Variants in HDLBP observed in about 807,000 individuals in gnomAD.
The protein encoded by HDLBP is vigilin.
In HDLBP, 30 loss-of-function variants were observed where a neutral mutation model predicts 137.3. The observed-to-expected ratio is 0.22, with a 90% CI of 0.16 to 0.30. The LOEUF (loss-of-function observed/expected upper bound fraction) is 0.30. Ranked by LOEUF, HDLBP falls within the 10% of genes least tolerant of loss-of-function variation. HDLBP has a pLI of 1.00. For synonymous variants in HDLBP, 606 were observed against 596.0 expected (o/e 1.02, Z -0.24); for missense variants, 1,119 against 1,667.3 (o/e 0.67, Z 5.73).
intron 1 of HDLBP, among the ~76,000 whole-genome samples, chr2:241,288,483 C>T (rs1196873630): frequency 3.9e-5 from 6 of 152,072 alleles, no homozygotes; most frequent in Non-Finnish European, 8.8e-5. Context: ...TGAATTAGCA[C>T]CTAGGAAAAA....
At chr2:241,255,727 G>C (rs370322834) in intron 7 of HDLBP, 147 bp from the exon 8 acceptor site, 20 of 653,556 alleles carry the variant, frequency 3.1e-5, no homozygotes, top group Non-Finnish European at 5.1e-5. Context: ...ATCAGGACTA[G>C]CCAATCCCCA....
At chr2:241,278,374 A>C (rs1195686167) in intron 1 of HDLBP, among the ~76,000 whole-genome samples, 1 of 152,092 alleles carries the variant, frequency 6.6e-6, no homozygotes. Context: ...CCTGAGGTCA[A>C]GAGTTCGAGA....
intron 2 of HDLBP, 67 bp from the exon 3 acceptor site, chr2:241,266,973 TAA>T: frequency 8.3e-7 from 1 of 1,198,572 alleles, no homozygotes; most frequent in Admixed American, 1.8e-5. Flanking sequence ...ATTGTTAACC[TAA>T]GAGTTTTAGC....
At chr2:241,273,837 G>A (rs895724080) in intron 1 of HDLBP, among the ~76,000 whole-genome samples, 3 of 150,358 alleles carry the variant, frequency 2.0e-5, no homozygotes, top group African/African-American at 7.5e-5. Flanking sequence ...AGCAGCAGAA[G>A]GCAGGATCAG....
At position 241,227,436 on chromosome 2, in the gene HDLBP, G is replaced by A. The variant is rs2069237720; in HGVS notation, c.*2165C>T. ...AGCTATGGAAACAGATGATATGGAA[G>A]ACATCCAACAAGGAGGAAAAGCACA... On this transcript the variant is annotated 3_prime_UTR_variant, in exon 28 of 28. Transcript: ENST00000310931. 1 of 152,558 alleles carries A rather than the reference G, an allele frequency of 6.6e-6. No homozygotes were observed. The highest frequency in any genetic ancestry group is 2.4e-5 in the African/African-American group (1 of 41,434). 9.5% of individuals were successfully genotyped at this position (152,558 alleles called of 1,614,324 possible).
At chr2:241,279,083 T>G (rs983382502) in intron 1 of HDLBP, among the ~76,000 whole-genome samples, 6 of 152,170 alleles carry the variant, frequency 3.9e-5, no homozygotes, top group Non-Finnish European at 7.3e-5. Flanking sequence ...ATGTGATTTA[T>G]AGAACTTATA....
At position 241,313,407 on chromosome 2, in the gene HDLBP, G is replaced by A. The variant is rs2075816673; in HGVS notation, c.-103+2163C>T. ...CGATTCTCATGCCTCAGCCTCTTGA[G>A]CAGCTGGGATTACAGGCGCGCGCCA... On this transcript the variant is annotated intron_variant, in intron 1 of 27. Coordinates refer to ENST00000310931, the MANE Select transcript of HDLBP (RefSeq NM_005336.6). 3.3e-5 allele frequency among the ~76,000 whole-genome samples: 5 copies of A among 152,204 alleles called. No individual in the cohort carries two copies. The South Asian group carries it at 1.0e-3, about 32-fold the overall frequency.
intron 24 of HDLBP, among the ~76,000 whole-genome samples, chr2:241,231,775 CAG>C (rs1341838032): frequency 6.6e-6 from 1 of 152,086 alleles, no homozygotes; most frequent in African/African-American, 2.4e-5. Context: ...GCAGACCAAG[CAG>C]ACAGTTCAGG....
At chr2:241,285,350 T>C (rs1156375847) in intron 1 of HDLBP, among the ~76,000 whole-genome samples, 1 of 152,248 alleles carries the variant, frequency 6.6e-6, no homozygotes, top group Admixed American at 6.5e-5. Flanking sequence ...TGATGTGCAC[T>C]GTAGCATTTT....
rs201484707 is a variant in HDLBP at position 241,256,765 on chromosome 2, A to G, written c.492T>C (p.Phe164=). 1.5e-4 allele frequency: 241 copies of G among 1,614,074 alleles called. No homozygotes were observed. The highest frequency in any genetic ancestry group is 2.0e-4 in the Non-Finnish European group (231 of 1,180,032). Residue 164 remains phenylalanine (F), a synonymous_variant, in exon 6 of 28, where the codon TTT becomes TTC. Transcript: ENST00000310931. ...TVAIPKEHHR[F]VIGKNGEKLQ... is the part of the protein sequence containing the mutation. The stretch of plus-strand genomic sequence containing the variant: ...GTTTCTCTCCATTTTTGCCAATAAC[A>G]AAGCGATGGTGTTCTTTGGGAATGG...
intron 5 of HDLBP, among the ~76,000 whole-genome samples, chr2:241,258,836 A>G (rs1328701272): frequency 6.6e-6 from 1 of 152,202 alleles, no homozygotes; most frequent in Non-Finnish European, 1.5e-5. Flanking sequence ...CTAAAACCCA[A>G]GAATGTGAAG....
intron 1 of HDLBP, among the ~76,000 whole-genome samples, chr2:241,287,436 T>TC (rs1370132836): frequency 4.1e-5 from 6 of 144,656 alleles, no homozygotes; most frequent in Admixed American, 6.9e-5. Context: ...TTTTTTTTTT[T>TC]CTGAGACAGG....
At chr2:241,260,470 C>G (rs2073063190) in intron 5 of HDLBP, among the ~76,000 whole-genome samples, 1 of 151,846 alleles carries the variant, frequency 6.6e-6, no homozygotes, top group Admixed American at 6.7e-5. Flanking sequence ...ACTGAAGTCG[C>G]CGGAGCGCCA....
At chr2:241,232,917 G>GC (rs1014441600) in intron 24 of HDLBP, among the ~76,000 whole-genome samples, 1 of 152,026 alleles carries the variant, frequency 6.6e-6, no homozygotes, top group Non-Finnish European at 1.5e-5. Context: ...GTGCAGGAGG[G>GC]CCCTCCTGGC....
intron 11 of HDLBP, chr2:241,250,217 G>A (rs2072017456): frequency 2.5e-6 from 1 of 396,688 alleles, no homozygotes; most frequent in Non-Finnish European, 4.5e-6. Flanking sequence ...ACCAGAAGCT[G>A]GAAATGCCCC....
chr2:241,299,731 C>T (rs934116979), intron 1 of HDLBP, among the ~76,000 whole-genome samples: 9 of 151,852 alleles, frequency 5.9e-5, no homozygotes, highest in Non-Finnish European at 8.8e-5. Context: ...CTGGCTAACA[C>T]GGTGAAACCC....
At chr2:241,286,271 T>C (rs377471933) in intron 1 of HDLBP, among the ~76,000 whole-genome samples, 4 of 152,120 alleles carry the variant, frequency 2.6e-5, no homozygotes, top group Non-Finnish European at 4.4e-5. Context: ...ACAGGCAACA[T>C]AGTCTGAAAG....
chr2:241,262,189 G>A (rs1225231208), intron 5 of HDLBP, among the ~76,000 whole-genome samples: 1 of 152,246 alleles, frequency 6.6e-6, no homozygotes, highest in Non-Finnish European at 1.5e-5. Flanking sequence ...GCCTGGAAAT[G>A]TGTAGTTAGT....
At chr2:241,256,892 C>A in intron 5 of HDLBP, 86 bp from the exon 6 acceptor site, 1 of 1,156,982 alleles carries the variant, frequency 8.6e-7, no homozygotes, top group Non-Finnish European at 1.3e-6. Flanking sequence ...GGCAGAAACA[C>A]CATCTTTGCT....
Sources: gnomAD v4.1 joint callset for allele counts (sites outside exome capture counted in the v4.1 genomes callset) on GRCh38, gnomAD v4.1.1 for gene constraint, MANE v1.5 for transcripts, NCBI Gene and HGNC (gene_info 2026-07-23, HGNC 2026-07-21) for gene names.